The following KIF21B variants were observed in gnomAD, a reference collection of about 807,000 sequenced individuals.
The protein encoded by KIF21B is kinesin-like protein KIF21B.
In KIF21B, 85 loss-of-function variants were observed where a neutral mutation model predicts 192.9. The observed-to-expected ratio is 0.44, with a 90% CI of 0.37 to 0.53. The LOEUF (loss-of-function observed/expected upper bound fraction) is 0.53. Among genes scored for constraint, KIF21B ranks in the 20% least tolerant of loss-of-function variants. The pLI is 0.00. For missense variants in KIF21B, 1,716 were observed against 2,194.8 expected (o/e 0.78, Z 4.36); for synonymous variants, 832 against 884.6 (o/e 0.94, Z 1.05).
rs144568357 is a variant in KIF21B at position 200,998,351 on chromosome 1, G to A, written c.2077+33C>T. The A allele has an allele frequency of 3.9e-5, 62 of 1,587,638 alleles. No homozygotes were observed. The Admixed American group carries it at 5.9e-4, about 15-fold the overall frequency. On this transcript the variant is annotated intron_variant, in intron 14 of 34. Transcript: ENST00000461742. This position sits in a 1 kb window ranked among gnomAD's most constrained non-coding sequence, Gnocchi z 4.3. ...GGGGCTCAGGGAAAAGGGAGGGTCC[G>A]GATGGGGTGGAGGGGCATGGCGGTG... is the stretch of plus-strand genomic sequence containing the variant.
intron 1 of KIF21B, among the ~76,000 whole-genome samples, chr1:201,013,412 G>A (rs1456482112): frequency 6.6e-6 from 1 of 152,160 alleles, no homozygotes; most frequent in African/African-American, 2.4e-5. Context: ...TGGCCTACTT[G>A]GCCCCAGATA....
In KIF21B at chr1:201,023,507, G is replaced by T. The variant is rs1218597493; in HGVS notation, c.-124C>A. 7 of 540,538 alleles carry T rather than the reference G, an allele frequency of 1.3e-5. No homozygotes were observed. The highest frequency in any genetic ancestry group is 2.0e-5 in the African/African-American group (1 of 49,310). 33.5% of individuals were successfully genotyped at this position (540,538 alleles called of 1,614,324 possible). On this transcript the variant is annotated 5_prime_UTR_variant, in exon 1 of 35. Transcript: ENST00000461742. The surrounding 1 kb of genome is among the most constrained non-coding windows in gnomAD (Gnocchi z 5.9). ...CGCGGCTGGCGGAGGCTGCGGCGGC[G>T]GCGGCTGGAGGTGACATGCTCGCGG...
Position 200,999,976 on chromosome 1 carries a change from G to A in KIF21B, c.1686-12C>T, listed in dbSNP as rs1286014461. 1 of 1,613,168 alleles carries A rather than the reference G, an allele frequency of 6.2e-7. No individual in the cohort carries two copies. Among genetic ancestry groups the A allele is most frequent in the African/African-American group, 1.3e-5 (1 of 75,044 alleles). ...CTTCCTTCTCGGGGCTGCTCAGGGAGGACAGGGAAGCTGGATTAGGAAGGC... is the reference window on the plus strand; with the variant it reads ...CTTCCTTCTCGGGGCTGCTCAGGGAAGACAGGGAAGCTGGATTAGGAAGGC... On this transcript the variant is annotated splice_polypyrimidine_tract_variant and intron_variant, in intron 11 of 34. Transcript: ENST00000461742. The surrounding 1 kb of genome is among the most constrained non-coding windows in gnomAD (Gnocchi z 4.7).
At chr1:200,992,432 G>A (rs1451874211) in intron 15 of KIF21B, 43 bp from the exon 16 acceptor site, 1 of 1,596,216 alleles carries the variant, frequency 6.3e-7, no homozygotes, top group Non-Finnish European at 8.5e-7. Flanking sequence ...GGGCTGGGAG[G>A]CAGGTGGCCC....
intron 28 of KIF21B, 77 bp from the exon 29 acceptor site, chr1:200,981,173 G>A (rs1655898561): frequency 1.3e-6 from 2 of 1,481,640 alleles, no homozygotes; most frequent in Non-Finnish European, 1.8e-6. Context: ...GCACGTGTGT[G>A]GGATGGGGAC....
chr1:200,999,749 A>G lies in KIF21B; in HGVS notation c.1767+134T>C. On this transcript the variant is annotated intron_variant, in intron 12 of 34. Coordinates refer to ENST00000461742, the MANE Select transcript of KIF21B (RefSeq NM_001252102.2). This position sits in a 1 kb window ranked among gnomAD's most constrained non-coding sequence, Gnocchi z 4.7. ...ATGGTAACCAGTCAGAGATATAAGG[A>G]AGTACAAGGATCAACTGGATGCAGA... 1 of 947,284 alleles carries G rather than the reference A, an allele frequency of 1.1e-6. No homozygotes were observed. The highest frequency in any genetic ancestry group is 1.8e-5 in the Admixed American group (1 of 55,008). The allele number at this position is 947,284 out of a possible 1,614,324, so 58.7% of individuals were successfully genotyped here.
At chr1:201,002,076 T>C in intron 9 of KIF21B, 85 bp downstream of exon 9, 12 of 1,234,010 alleles carry the variant, frequency 9.7e-6, no homozygotes, top group Non-Finnish European at 1.4e-5. Flanking sequence ...GCTGGCTTAG[T>C]CCACCTGATA....
Position 200,987,141 on chromosome 1 carries a change from G to A in KIF21B, c.3469C>T (p.Leu1157=). Residue 1157 remains leucine, a synonymous_variant, in exon 25 of 35, where the codon CTG becomes TTG. Coordinates refer to ENST00000461742, the MANE Select transcript of KIF21B (RefSeq NM_001252102.2). ...AVSAECLGPP[L]DISTKNITKS... ...GTGATGTTCTTGGTGGAGATATCCAGTGGGGGGCCCAGGCACTCAGCCGAC... is the reference window on the plus strand; with the variant it reads ...GTGATGTTCTTGGTGGAGATATCCAATGGGGGGCCCAGGCACTCAGCCGAC... 6.2e-7 allele frequency: 1 copy of A among 1,614,058 alleles called. No homozygotes were observed. Among genetic ancestry groups the A allele is most frequent in the African/African-American group, 1.3e-5 (1 of 75,022 alleles).
At chr1:200,993,110 AGTT>A (rs1656811255) in intron 15 of KIF21B, among the ~76,000 whole-genome samples, 1 of 152,216 alleles carries the variant, frequency 6.6e-6, no homozygotes. Context: ...TGGACCCCAG[AGTT>A]GTTGGAAATG....
chr1:200,979,702 C>T lies in KIF21B; in HGVS notation c.3993G>A (p.Lys1331=). 5.2e-6 allele frequency: 8 copies of T among 1,531,554 alleles called. No individual in the cohort carries two copies. The highest frequency in any genetic ancestry group is 7.0e-6 in the Non-Finnish European group (8 of 1,135,482). The allele number at this position is 1,531,554 out of a possible 1,614,324, so 94.9% of individuals were successfully genotyped here. The change falls in exon 30 of 35, where the codon AAG becomes AAA. Residue 1331 remains lysine (K), a synonymous_variant. Coordinates refer to ENST00000461742, the MANE Select transcript of KIF21B (RefSeq NM_001252102.2). ...CCTGTCCCGTAACCAAGTTCCACATCTTGCAGCTTCGGTCTGTGAGAGATG... is the reference window on the plus strand; with the variant it reads ...CCTGTCCCGTAACCAAGTTCCACATTTTGCAGCTTCGGTCTGTGAGAGATG... ...LFTGSKDRSC[K]MWNLVTGQEI...
At chr1:201,006,785 C>T (rs1260811085) in intron 3 of KIF21B, among the ~76,000 whole-genome samples, 4 of 151,852 alleles carry the variant, frequency 2.6e-5, no homozygotes, top group Non-Finnish European at 2.9e-5. Flanking sequence ...GACACAGACA[C>T]GAACACAGAC....
chr1:200,974,787 C>T lies in KIF21B; in HGVS notation c.4741G>A (p.Gly1581Ser), dbSNP rs1176678168. 6 of 1,614,102 alleles carry T rather than the reference C, an allele frequency of 3.7e-6. No individual in the cohort carries two copies. The highest frequency in any genetic ancestry group is 1.3e-5 in the African/African-American group (1 of 74,940). Residue 1581 changes from glycine to serine, a missense_variant, in exon 34 of 35, where the codon GGT becomes AGT. By Grantham distance (56) the Gly-to-Ser change is moderately conservative. Coordinates refer to ENST00000461742, the MANE Select transcript of KIF21B (RefSeq NM_001252102.2). ...VWNVDNFTPI[G>S]EIKGHDSPIN... ...GGACTGTCGTGGCCCTTGATCTCAC[C>T]GATGGGTGTGAAGTTGTCCACGTTC... is the stretch of plus-strand genomic sequence containing the variant.
intron 28 of KIF21B, among the ~76,000 whole-genome samples, chr1:200,981,751 G>A (rs527934019): frequency 5.3e-4 from 81 of 152,284 alleles, no homozygotes; most frequent in African/African-American, 1.8e-3. Context: ...GCTTGGCTTT[G>A]GGTAGGAGGT....
At chr1:201,013,843 G>C (rs1327275100) in intron 1 of KIF21B, among the ~76,000 whole-genome samples, 1 of 152,246 alleles carries the variant, frequency 6.6e-6, no homozygotes, top group Non-Finnish European at 1.5e-5. Flanking sequence ...CGGGCCAGCT[G>C]CCTGTTTCTG....
chr1:200,997,091 C>G (rs1207186270), intron 14 of KIF21B, among the ~76,000 whole-genome samples: 1 of 152,192 alleles, frequency 6.6e-6, no homozygotes, highest in African/African-American at 2.4e-5. Flanking sequence ...GAACAGTTTC[C>G]TAAGTGGTCT....
At chr1:200,996,145 G>C in intron 15 of KIF21B, 51 bp downstream of exon 15, 1 of 1,532,408 alleles carries the variant, frequency 6.5e-7, no homozygotes, top group Non-Finnish European at 9.0e-7. Context: ...TGGATTCTAA[G>C]AAGATGTCAC....
At chr1:200,974,961 G>A in intron 33 of KIF21B, 48 bp from the exon 34 acceptor site, 1 of 1,575,072 alleles carries the variant, frequency 6.3e-7, no homozygotes, top group Non-Finnish European at 8.7e-7. Flanking sequence ...TGATGAGGGA[G>A]AGAACCTGCC....
At chr1:201,006,452 C>A (rs1657825419) in intron 3 of KIF21B, among the ~76,000 whole-genome samples, 1 of 152,114 alleles carries the variant, frequency 6.6e-6, no homozygotes, top group South Asian at 2.1e-4. Flanking sequence ...GGGCAGCAGC[C>A]AAGAAAATGC....
intron 3 of KIF21B, among the ~76,000 whole-genome samples, chr1:201,006,234 G>A (rs895577198): frequency 3.3e-5 from 5 of 152,266 alleles, no homozygotes; most frequent in African/African-American, 9.6e-5. Flanking sequence ...GCACGCCACT[G>A]TGGCCTAGTG....
Sources: allele counts gnomAD v4.1 joint callset (sites outside exome capture counted in the v4.1 genomes callset), GRCh38; gene constraint gnomAD v4.1.1; non-coding constraint Gnocchi (gnomAD v3.1); transcripts MANE v1.5; gene names NCBI Gene and HGNC (gene_info 2026-07-23, HGNC 2026-07-21).